KAZN: variants seen among roughly 807,000 people sequenced by gnomAD.
The protein encoded by KAZN is kazrin.
A neutral mutation model predicts 87.4 loss-of-function variants in KAZN; 40 were observed. The observed-to-expected ratio is 0.46, with a 90% CI of 0.36 to 0.60. The LOEUF (loss-of-function observed/expected upper bound fraction) is 0.60, where lower values mean the gene tolerates loss of function less well. KAZN is among the 20% of genes least tolerant of loss of function. The pLI, the probability that KAZN is intolerant of heterozygous loss-of-function variation, is 0.00. For synonymous variants in KAZN, 466 were observed against 458.3 expected (o/e 1.02, Z -0.22); for missense variants, 898 against 1,073.9 (o/e 0.84, Z 2.29).
chr1:14,379,859 C>T (rs966218112), intron 2 of KAZN, among the ~76,000 whole-genome samples: 7 of 152,112 alleles, frequency 4.6e-5, no homozygotes, highest in African/African-American at 1.7e-4. Flanking sequence ...ATTGTGGAGC[C>T]CCAGGGCCTT....
chr1:14,537,444 T>C (rs945465599), intron 2 of KAZN, among the ~76,000 whole-genome samples: 7 of 152,250 alleles, frequency 4.6e-5, no homozygotes, highest in Admixed American at 2.6e-4. Flanking sequence ...TTTAAATGCA[T>C]TGCCATCACG....
chr1:15,050,054 G>A (rs372724100), intron 4 of KAZN, among the ~76,000 whole-genome samples: 121 of 72,342 alleles, frequency 1.7e-3, no homozygotes, highest in African/African-American at 5.4e-3. Flanking sequence ...GGTAGGGTAG[G>A]GTAGGGTAGG....
chr1:14,583,701 T>A, intron 2 of KAZN, among the ~76,000 whole-genome samples: 1 of 152,306 alleles, frequency 6.6e-6, no homozygotes, highest in South Asian at 2.1e-4. Context: ...TGGCTGATAT[T>A]CCTGGTCTTG....
At chr1:13,954,550 A>G (rs769334294) in intron 1 of KAZN, among the ~76,000 whole-genome samples, 4 of 152,230 alleles carry the variant, frequency 2.6e-5, no homozygotes, top group Non-Finnish European at 5.9e-5. Flanking sequence ...AAGATGGGAA[A>G]ATTTCATAGG....
chr1:13,994,050 A>C (rs1639402273), intron 1 of KAZN, among the ~76,000 whole-genome samples: 1 of 152,222 alleles, frequency 6.6e-6, no homozygotes, highest in Admixed American at 6.5e-5. Flanking sequence ...TCCACTGTTG[A>C]AGAGAACTCT....
intron 2 of KAZN, among the ~76,000 whole-genome samples, chr1:14,467,099 A>G (rs1414283288): frequency 6.6e-6 from 1 of 152,268 alleles, no homozygotes; most frequent in African/African-American, 2.4e-5. Context: ...TTTAAAAATA[A>G]CTACATAAAG....
intron 1 of KAZN, among the ~76,000 whole-genome samples, chr1:14,754,035 C>A (rs950455579): frequency 3.9e-5 from 6 of 152,222 alleles, no homozygotes; most frequent in African/African-American, 1.2e-4. Flanking sequence ...CTTGGAGGTT[C>A]TTTCCCTAAC....
At chr1:14,676,630 A>G (rs1640236536) in intron 1 of KAZN, among the ~76,000 whole-genome samples, 1 of 152,216 alleles carries the variant, frequency 6.6e-6, no homozygotes, top group Non-Finnish European at 1.5e-5. Flanking sequence ...AAAGGAATGA[A>G]GCAGTGATTC....
chr1:14,871,864 G>A (rs1156927677), intron 1 of KAZN, among the ~76,000 whole-genome samples: 3 of 152,058 alleles, frequency 2.0e-5, no homozygotes, highest in Admixed American at 2.0e-4. Flanking sequence ...TCAGAGTAGG[G>A]GAGAGAAAGG....
At chr1:15,087,339 CT>C (rs77464357) in intron 8 of KAZN, among the ~76,000 whole-genome samples, 38,312 of 147,814 alleles carry the variant, frequency 0.26, 7,153 homozygotes, top group East Asian at 0.73. Flanking sequence ...AATTTACATT[CT>C]TTTTTTTTTC....
At chr1:14,787,311 C>G (rs1737361) in intron 1 of KAZN, among the ~76,000 whole-genome samples, 101,811 of 151,792 alleles carry the variant, frequency 0.67, 34,606 homozygotes, top group South Asian at 0.78. Context: ...CTCGTTACTC[C>G]CATGTTACAG....
chr1:15,093,747 G>C (rs1240749926), intron 8 of KAZN, among the ~76,000 whole-genome samples: 4 of 152,134 alleles, frequency 2.6e-5, no homozygotes, highest in Non-Finnish European at 5.9e-5. Context: ...ATGCTTTAGG[G>C]TAAATATCTC....
chr1:14,046,661 G>C (rs4662090), intron 1 of KAZN, among the ~76,000 whole-genome samples: 84,167 of 151,974 alleles, frequency 0.55, 23,627 homozygotes, highest in East Asian at 0.7. Context: ...AATGGTGGGG[G>C]TTTATTGAGC....
chr1:14,806,301 C>A (rs1206641960), intron 1 of KAZN, among the ~76,000 whole-genome samples: 1 of 152,230 alleles, frequency 6.6e-6, no homozygotes, highest in Non-Finnish European at 1.5e-5. Flanking sequence ...GATTGACACT[C>A]CCTGGGAGGG....
chr1:14,440,187 C>A (rs954798674), intron 2 of KAZN, among the ~76,000 whole-genome samples: 1 of 152,200 alleles, frequency 6.6e-6, no homozygotes, highest in African/African-American at 2.4e-5. Flanking sequence ...AGAAGGTACT[C>A]TGTAAAAAAT....
In KAZN at chr1:14,047,849, C is replaced by T. The variant is rs986987307; in HGVS notation, c.92-132586C>T. Among the ~76,000 whole-genome samples the T allele has an allele frequency of 1.3e-4, 19 of 144,376 alleles. 1 individual carries two copies. Among genetic ancestry groups the T allele is most frequent in the Admixed American group, 1.3e-3 (18 of 14,024 alleles). The allele number at this position is 144,376 out of a possible 152,430, so 94.7% of individuals were successfully genotyped here. ...CACCACTGCACTCCAGCCTGGGTGA[C>T]AGAGTGAGACTCGGGAAAAAGAAAA... On this transcript the variant is annotated intron_variant, in intron 1 of 16. Transcript: ENST00000636203.
At chr1:14,057,355 G>A (rs748378042) in intron 1 of KAZN, among the ~76,000 whole-genome samples, 27 of 152,008 alleles carry the variant, frequency 1.8e-4, no homozygotes, top group Admixed American at 5.9e-4. Flanking sequence ...GGCTGGTCTC[G>A]AACTCCTGAC....
intron 2 of KAZN, among the ~76,000 whole-genome samples, chr1:14,348,179 T>C (rs1159138949): frequency 1.3e-5 from 2 of 151,196 alleles, no homozygotes; most frequent in African/African-American, 4.9e-5. Context: ...GCCTCCCACG[T>C]AGCTGGGATT....
intron 1 of KAZN, among the ~76,000 whole-genome samples, chr1:14,067,592 C>T (rs138282030): frequency 0.015 from 2,341 of 152,202 alleles, 22 homozygotes; most frequent in Non-Finnish European, 0.025. Flanking sequence ...GCTCTGTAAA[C>T]GCTTGTTAAG....
Sources: gnomAD v4.1 joint callset for allele counts (sites outside exome capture counted in the v4.1 genomes callset) on GRCh38, gnomAD v4.1.1 for gene constraint, MANE v1.5 for transcripts, NCBI Gene and HGNC (gene_info 2026-07-23, HGNC 2026-07-21) for gene names.